The following DENND5A variants were observed in gnomAD, a reference collection of about 807,000 sequenced individuals.
DENND5A encodes DENN domain containing 5A.
Under a neutral mutation model 140.3 loss-of-function variants are expected in DENND5A, and 64 were observed. The observed-to-expected ratio is 0.46, with a 90% CI of 0.37 to 0.56. The LOEUF (loss-of-function observed/expected upper bound fraction) is 0.56. Ranked by LOEUF, DENND5A falls within the 20% of genes least tolerant of loss-of-function variation. The pLI, the probability that DENND5A is intolerant of heterozygous loss-of-function variation, is 0.00. For missense variants in DENND5A, 1,292 were observed against 1,593.8 expected, an observed-to-expected ratio of 0.81 and a Z score of 3.22; for synonymous variants, 605 against 607.7, an observed-to-expected ratio of 1.00 and a Z score of 0.07.
At chr11:9,150,794 G>A (rs1263009120) in intron 13 of DENND5A, 30 bp from the exon 14 acceptor site, 2 of 1,481,000 alleles carry the variant, frequency 1.4e-6, no homozygotes, top group Admixed American at 3.4e-5. Flanking sequence ...CATGTCCAAA[G>A]AGATCTGAAT....
chr11:9,193,453 TCCTGGATTGGGG>T (rs1849209358), intron 5 of DENND5A, 29 bp downstream of exon 5: 11 of 1,487,278 alleles, frequency 7.4e-6, no homozygotes, highest in Non-Finnish European at 9.9e-6. Flanking sequence ...CTCTCCCCAA[TCCTGGATTGGGG>T]CCAGAGGCAC....
At chr11:9,140,352 G>A in intron 22 of DENND5A, 1 of 527,632 alleles carries the variant, frequency 1.9e-6, no homozygotes, top group Non-Finnish European at 3.3e-6. Context: ...GCTAGTAAAT[G>A]GATAACTTGA....
rs762043757 is a variant in DENND5A at position 9,178,322 on chromosome 11, G to C, written c.1716C>G (p.Leu572=). 7 of 1,613,938 alleles carry C rather than the reference G, an allele frequency of 4.3e-6. No homozygotes were observed. In the South Asian group the frequency reaches 6.6e-5, roughly 15 times the overall value. Residue 572 remains leucine (L), a synonymous_variant, in exon 8 of 23, where the codon CTC becomes CTG. Coordinates refer to ENST00000328194, the MANE Select transcript of DENND5A (RefSeq NM_015213.4). ...SDQPEPYLPF[L]SRFLETQMFA... ...ACATCTGGGTCTCCAGGAATCTTGA[G>C]AGGAAGGGCAGGTAGGGCTCAGGCT...
intron 22 of DENND5A, among the ~76,000 whole-genome samples, chr11:9,141,447 T>C (rs1179932037): frequency 6.6e-6 from 1 of 152,230 alleles, no homozygotes; most frequent in Non-Finnish European, 1.5e-5. Flanking sequence ...AGGGTTCTCA[T>C]ACAAACCTAG....
intron 17 of DENND5A, chr11:9,145,343 G>C (rs1183099297): frequency 3.4e-6 from 2 of 588,034 alleles, no homozygotes; most frequent in African/African-American, 3.7e-5. Context: ...CAGGGAGCAA[G>C]AGATTCTGGA....
At chr11:9,260,035 A>G (rs955752675) in intron 1 of DENND5A, among the ~76,000 whole-genome samples, 11 of 150,532 alleles carry the variant, frequency 7.3e-5, no homozygotes, top group African/African-American at 2.7e-4. Flanking sequence ...CTCAAAAAAA[A>G]AAAAAAAAAA....
chr11:9,250,251 A>C (rs1290393316), intron 1 of DENND5A, among the ~76,000 whole-genome samples: 1 of 150,376 alleles, frequency 6.6e-6, no homozygotes, highest in Non-Finnish European at 1.5e-5. Flanking sequence ...AAAAAGCATA[A>C]AACATCCTGA....
rs1420491496 is a variant in DENND5A, at chr11:9,160,808, C to G, written c.2341G>C (p.Glu781Gln). The change falls in exon 12 of 23, where the codon GAG becomes CAG. Residue 781 changes from glutamate (E) to glutamine (Q), a missense_variant. By Grantham distance (29) the Glu-to-Gln change is conservative. Coordinates refer to ENST00000328194, the MANE Select transcript of DENND5A (RefSeq NM_015213.4). ...TCTTCCACCCCTGTGATGTTCACCT[C>G]CCCATGCCCTAGCTCCACAGCTTCT... Reference protein sequence around the residue: ...GREAVELGHGEVNITGVEENT... With the variant: ...GREAVELGHGQVNITGVEENT... 2 of 1,614,134 alleles carry G rather than the reference C, an allele frequency of 1.2e-6. No homozygotes were observed. Among genetic ancestry groups the G allele is most frequent in the East Asian group, 4.5e-5 (2 of 44,890 alleles).
intron 1 of DENND5A, among the ~76,000 whole-genome samples, chr11:9,257,789 A>C (rs1391490105): frequency 6.9e-6 from 1 of 144,842 alleles, no homozygotes; most frequent in Non-Finnish European, 1.5e-5. Context: ...GCCAACACAC[A>C]CAGTATTCTT....
intron 1 of DENND5A, among the ~76,000 whole-genome samples, chr11:9,212,334 A>C (rs1849912748): frequency 6.6e-6 from 1 of 152,234 alleles, no homozygotes; most frequent in Non-Finnish European, 1.5e-5. Context: ...AGGAAAATAG[A>C]AAGAATGAGG....
chr11:9,139,447 G>T lies in DENND5A; in HGVS notation c.*224C>A. The T allele has an allele frequency of 1.9e-6, 1 of 523,708 alleles. No individual in the cohort carries two copies. Among genetic ancestry groups the T allele is most frequent in the Non-Finnish European group, 3.4e-6 (1 of 294,832 alleles). The allele number at this position is 523,708 out of a possible 1,614,324, so 32.4% of individuals were successfully genotyped here. On this transcript the variant is annotated 3_prime_UTR_variant, in exon 23 of 23. Transcript: ENST00000328194. ...CTTCAAAATAAGCGGCACCAGCCTC[G>T]CTCCCTCTCCCTATCACTCTTTCAC...
chr11:9,199,938 A>G (rs1849470026), intron 4 of DENND5A, among the ~76,000 whole-genome samples: 1 of 152,268 alleles, frequency 6.6e-6, no homozygotes, highest in African/African-American at 2.4e-5. Flanking sequence ...CTGTGGCCTC[A>G]GCCAGGCTCA....
rs373623588 is a variant in DENND5A, at chr11:9,207,545, T to G, written c.181+16A>C. ...TTAGAAAGCTTTGGGTGTTCTCAAT[T>G]TTGTTTTGTTTTTACCTTCAGTCGT... On this transcript the variant is annotated intron_variant, in intron 2 of 22. Coordinates refer to ENST00000328194, the MANE Select transcript of DENND5A (RefSeq NM_015213.4). 1 of 1,602,512 alleles carries G rather than the reference T, an allele frequency of 6.2e-7. No individual in the cohort carries two copies. The highest frequency in any genetic ancestry group is 8.5e-7 in the Non-Finnish European group (1 of 1,170,188).
chr11:9,229,361 A>T (rs574279556), intron 1 of DENND5A, among the ~76,000 whole-genome samples: 2 of 151,848 alleles, frequency 1.3e-5, no homozygotes, highest in African/African-American at 2.4e-5. Flanking sequence ...AAAAAATGAT[A>T]CCCCTAAGTA....
rs71062818 is a variant in DENND5A at position 9,231,715 on chromosome 11, C to CAAAA, written c.110-24087_110-24084dup. ...GGGCAACAAGAGCGAAACTCCGTCT[C>CAAAA]AAAAAAAAAAAAAAAAAGACTCTGG... On this transcript the variant is annotated intron_variant, in intron 1 of 22. Coordinates refer to ENST00000328194, the MANE Select transcript of DENND5A (RefSeq NM_015213.4). Among the ~76,000 whole-genome samples, 6 of 78,964 alleles carry CAAAA rather than the reference C, an allele frequency of 7.6e-5. 1 individual carries two copies. The South Asian group carries it at 1.7e-3, about 23-fold the overall frequency. The allele number at this position is 78,964 out of a possible 152,430, so 51.8% of individuals were successfully genotyped here. A position where few individuals can be genotyped will look rare whatever the true frequency, so the allele number is the denominator to read the frequency against.
intron 1 of DENND5A, among the ~76,000 whole-genome samples, chr11:9,247,229 TAA>T (rs75951139): frequency 8.7e-5 from 11 of 126,770 alleles, no homozygotes; most frequent in African/African-American, 1.2e-4. Flanking sequence ...GACTCCGTCT[TAA>T]AAAAAAAAAA....
intron 5 of DENND5A, among the ~76,000 whole-genome samples, chr11:9,189,653 T>C (rs1016451003): frequency 6.6e-6 from 1 of 151,848 alleles, no homozygotes; most frequent in Non-Finnish European, 1.5e-5. Context: ...TGTTTGTTTG[T>C]TTTTGAGATG....
intron 10 of DENND5A, 89 bp from the exon 11 acceptor site, chr11:9,166,056 A>C: frequency 8.9e-7 from 1 of 1,127,764 alleles, no homozygotes; most frequent in Non-Finnish European, 1.3e-6. Flanking sequence ...AGAGGGCATT[A>C]TTTTCTCACA....
chr11:9,207,746 A>G (rs1849741104), intron 1 of DENND5A, 114 bp from the exon 2 acceptor site: 2 of 706,630 alleles, frequency 2.8e-6, no homozygotes, highest in East Asian at 2.6e-5. Context: ...AAACACATAC[A>G]TGTATGTGTA....
Sources: gnomAD v4.1 joint callset for allele counts (sites outside exome capture counted in the v4.1 genomes callset) on GRCh38, gnomAD v4.1.1 for gene constraint, MANE v1.5 for transcripts, NCBI Gene and HGNC (gene_info 2026-07-23, HGNC 2026-07-21) for gene names.